The following LIG3 variants were observed in gnomAD, a reference collection of about 807,000 sequenced individuals.
The protein encoded by LIG3 is DNA ligase 3.
Under a neutral mutation model 110.9 loss-of-function variants are expected in LIG3, and 58 were observed. That is an observed-to-expected ratio of 0.52 (90% CI 0.42 to 0.65). The LOEUF is 0.65. LIG3 is among the 30% of genes least tolerant of loss of function. The pLI is 0.00. For synonymous variants in LIG3, 422 were observed against 472.8 expected, an observed-to-expected ratio of 0.89 and a Z score of 1.39; for missense variants, 1,094 against 1,273.8, an observed-to-expected ratio of 0.86 and a Z score of 2.15.
intron 11 of LIG3, 127 bp downstream of exon 11, chr17:34,996,780 C>G (rs911748372): frequency 6.5e-6 from 5 of 773,992 alleles, no homozygotes; most frequent in Middle Eastern, 5.3e-4. Context: ...TACGTTTGTG[C>G]TCAGGAGCTT....
intron 15 of LIG3, 137 bp downstream of exon 15, chr17:34,999,586 G>C: frequency 8.1e-7 from 1 of 1,240,850 alleles, no homozygotes; most frequent in East Asian, 2.5e-5. Flanking sequence ...GCAGGATTAG[G>C]CCTTATAATC....
At chr17:35,000,704 C>T (rs1355803899) in intron 16 of LIG3, among the ~76,000 whole-genome samples, 2 of 150,872 alleles carry the variant, frequency 1.3e-5, no homozygotes, top group Non-Finnish European at 1.5e-5. Flanking sequence ...CAGCCTCCGC[C>T]TCCTGGGTTC....
In LIG3 at chr17:35,006,446, C is replaced by G. The variant is rs531290819; in HGVS notation, c.*1940C>G. 3.3e-5 allele frequency: 5 copies of G among 152,460 alleles called. No individual in the cohort carries two copies. The highest frequency in any genetic ancestry group is 1.2e-4 in the African/African-American group (5 of 41,564). The allele number at this position is 152,460 out of a possible 1,614,324, so 9.4% of individuals were successfully genotyped here. On this transcript the variant is annotated 3_prime_UTR_variant, in exon 20 of 20. Coordinates refer to ENST00000378526, the MANE Select transcript of LIG3 (RefSeq NM_013975.4). Reference sequence around the variant, plus strand: ...CGTTAACATCTAAGCCTCAATCCCTCCAAGTAGAATGGGTGCACCTAAATC... The same window carrying G: ...CGTTAACATCTAAGCCTCAATCCCTGCAAGTAGAATGGGTGCACCTAAATC...
chr17:34,997,862 G>T (rs1283583132), intron 12 of LIG3, 37 bp downstream of exon 12: 1 of 1,533,308 alleles, frequency 6.5e-7, no homozygotes, highest in Non-Finnish European at 9.0e-7. Context: ...TGTCCTAGAA[G>T]TTTGAAAGCA....
chr17:34,996,048 C>G lies in LIG3; in HGVS notation c.1612-16C>G. ...TGCCATGTCATCCCTCACCAAAGCTCCCCTTCTGCTTTCAGGTGGCCCACT... is the reference window on the plus strand; with the variant it reads ...TGCCATGTCATCCCTCACCAAAGCTGCCCTTCTGCTTTCAGGTGGCCCACT... On this transcript the variant is annotated splice_polypyrimidine_tract_variant and intron_variant, in intron 9 of 19. Transcript: ENST00000378526. 6.2e-7 allele frequency: 1 copy of G among 1,609,732 alleles called. No individual in the cohort carries two copies. The highest frequency in any genetic ancestry group is 1.1e-5 in the South Asian group (1 of 90,518).
At chr17:35,003,378 A>G (rs1009787158) in intron 19 of LIG3, 3 of 278,916 alleles carry the variant, frequency 1.1e-5, no homozygotes, top group Admixed American at 4.5e-5. Flanking sequence ...AGCGCACTGC[A>G]ACCTCCGCTC....
rs543051562 is a variant in LIG3, at chr17:35,002,595, T to C, written c.2675-73T>C. On this transcript the variant is annotated intron_variant, in intron 18 of 19. Coordinates refer to ENST00000378526, the MANE Select transcript of LIG3 (RefSeq NM_013975.4). ...CTCACTGCAGCCTCGAACTCCTGAGTTGAATTGATCCTCCCGAGTAGCTGG... is the reference window on the plus strand; with the variant it reads ...CTCACTGCAGCCTCGAACTCCTGAGCTGAATTGATCCTCCCGAGTAGCTGG... The C allele has an allele frequency of 2.6e-6, 4 of 1,521,176 alleles. No homozygotes were observed. In the African/African-American group the frequency reaches 5.5e-5, roughly 21 times the overall value. The allele number at this position is 1,521,176 out of a possible 1,614,324, so 94.2% of individuals were successfully genotyped here. A position where few individuals can be genotyped will look rare whatever the true frequency, so the allele number is the denominator to read the frequency against.
At chr17:35,003,078 A>G in intron 19 of LIG3, 1 of 1,613,960 alleles carries the variant, frequency 6.2e-7, no homozygotes, top group Non-Finnish European at 8.5e-7. Context: ...GAGAGACTGC[A>G]GGGACTCACT....
Position 34,983,208 on chromosome 17 carries a change from C to T in LIG3, c.203C>T (p.Ala68Val), listed in dbSNP as rs762924297. 2.0e-5 allele frequency: 33 copies of T among 1,614,188 alleles called. No individual in the cohort carries two copies. The highest frequency in any genetic ancestry group is 4.4e-5 in the South Asian group (4 of 91,088). ...SFQGSHLRSR[A>V]TYLVFLPGLH... is the part of the protein sequence containing the mutation. Reference sequence around the variant, plus strand: ...CAGGGAAGCCATCTAAGATCACGTGCCACCTACCTTGTTTTCTTGCCAGGG... The same window carrying T: ...CAGGGAAGCCATCTAAGATCACGTGTCACCTACCTTGTTTTCTTGCCAGGG... The change falls in exon 2 of 20, where the codon GCC becomes GTC. Residue 68 changes from alanine (A) to valine (V), a missense_variant. By Grantham distance (64) the Ala-to-Val change is moderately conservative (BLOSUM62 0). Transcript: ENST00000378526.
intron 19 of LIG3, chr17:35,004,069 C>T (rs2090873145): frequency 1.7e-6 from 1 of 572,948 alleles, no homozygotes. Context: ...TCCTTTTCCC[C>T]TAGGCAGGGA....
In LIG3 at chr17:34,998,223, CT is replaced by C. The variant is rs773867464; in HGVS notation, c.1919del (p.Leu640TrpfsTer6). ...AGCATCTCTCTTGTCCCTCAGAAAG[CT>C]TTGGACTTGGCTGACATGATAACCC... The part of the protein sequence containing the change: ...MFSEMKRVTK[A>X]LDLADMITRV... On this transcript the variant is annotated frameshift_variant, in exon 13 of 20. Coordinates refer to ENST00000378526, the MANE Select transcript of LIG3 (RefSeq NM_013975.4). LOFTEE classifies it high-confidence loss of function. 1 of 1,612,556 alleles carries C rather than the reference CT, an allele frequency of 6.2e-7. No homozygotes were observed. Among genetic ancestry groups the C allele is most frequent in the Non-Finnish European group, 8.5e-7 (1 of 1,179,204 alleles).
At position 34,992,482 on chromosome 17, in the gene LIG3, A is replaced by G. The variant is rs532381659; in HGVS notation, c.1287-42A>G. ...CTGTCCAAAGCCATGGAGTCAAACA[A>G]AGGCAGTGGTTTTGTTTCCTTGTTC... On this transcript the variant is annotated intron_variant, in intron 7 of 19. Coordinates refer to ENST00000378526, the MANE Select transcript of LIG3 (RefSeq NM_013975.4). 39 of 1,529,744 alleles carry G rather than the reference A, an allele frequency of 2.5e-5. 2 individuals carry two copies. The South Asian group carries it at 4.7e-4, about 18-fold the overall frequency. 94.8% of individuals were successfully genotyped at this position (1,529,744 alleles called of 1,614,324 possible).
chr17:35,003,325 G>A, intron 19 of LIG3: 1 of 504,964 alleles, frequency 2.0e-6, no homozygotes, highest in East Asian at 4.3e-5. Flanking sequence ...TTTGAGATAA[G>A]TCTCGCTCTG....
intron 16 of LIG3, 81 bp downstream of exon 16, chr17:34,999,937 C>A: frequency 8.5e-7 from 1 of 1,179,456 alleles, no homozygotes; most frequent in Non-Finnish European, 1.2e-6. Flanking sequence ...ATCCATCTCA[C>A]CTCGCTGAAA....
In LIG3 at chr17:34,983,076, TC is replaced by T. The variant is rs778145561; in HGVS notation, c.73del (p.Arg25GlufsTer8). On this transcript the variant is annotated frameshift_variant, in exon 2 of 20. Coordinates refer to ENST00000378526, the MANE Select transcript of LIG3 (RefSeq NM_013975.4). LOFTEE classifies it high-confidence loss of function. Reference protein sequence around the residue: ...RALSRKELCLFRKHHWRDVRQ... With the variant: ...RALSRKELCLXRKHHWRDVRQ... ...CTCAGCCGAAAAGAACTGTGCCTATTCCGAAAACATCACTGGCGTGATGTAA... is the reference window on the plus strand; with the variant it reads ...CTCAGCCGAAAAGAACTGTGCCTATTCGAAAACATCACTGGCGTGATGTAA... 1.9e-6 allele frequency: 3 copies of T among 1,613,940 alleles called. No individual in the cohort carries two copies. Among genetic ancestry groups the T allele is most frequent in the Non-Finnish European group, 2.5e-6 (3 of 1,179,934 alleles).
rs1478465825 is a variant in LIG3, at chr17:34,982,989, C to G, written c.-4-13C>G. ...TTTTTTTTTTTTTTTTGGCCTCCTACTCTTTCGTACAGCTATATGTCTTTG... is the reference window on the plus strand; with the variant it reads ...TTTTTTTTTTTTTTTTGGCCTCCTAGTCTTTCGTACAGCTATATGTCTTTG... On this transcript the variant is annotated splice_polypyrimidine_tract_variant and intron_variant, in intron 1 of 19. Transcript: ENST00000378526. 1 of 1,378,452 alleles carries G rather than the reference C, an allele frequency of 7.3e-7. No individual in the cohort carries two copies. Among genetic ancestry groups the G allele is most frequent in the Middle Eastern group, 1.9e-4 (1 of 5,176 alleles). 85.4% of individuals were successfully genotyped at this position (1,378,452 alleles called of 1,614,324 possible).
At chr17:34,989,187 A>C (rs2090690762) in intron 3 of LIG3, among the ~76,000 whole-genome samples, 1 of 152,052 alleles carries the variant, frequency 6.6e-6, no homozygotes, top group African/African-American at 2.4e-5. Context: ...TTCTTCAGTA[A>C]AGTGCTCACA....
rs2090863601 is a variant in LIG3, at chr17:35,003,210, G to A, written c.2796+421G>A. 6 of 1,475,136 alleles carry A rather than the reference G, an allele frequency of 4.1e-6. No individual in the cohort carries two copies. In the African/African-American group the frequency reaches 5.6e-5, roughly 14 times the overall value. 91.4% of individuals were successfully genotyped at this position (1,475,136 alleles called of 1,614,324 possible). ...TCCAGCAAGCAGCGAGTCGGGGAGA[G>A]GGCACTGGCTTGGTGACTCTCCTCC... On this transcript the variant is annotated intron_variant, in intron 19 of 19. Coordinates refer to ENST00000378526, the MANE Select transcript of LIG3 (RefSeq NM_013975.4).
Position 34,999,450 on chromosome 17 carries a change from G to A in LIG3, c.2256+1G>A. On this transcript the variant is annotated splice_donor_variant, in intron 15 of 19. Transcript: ENST00000378526. LOFTEE classifies it high-confidence loss of function. ...ACTAGACATGGTGAAGATCAGCAAG[G>A]TGAGGAAGGGACCTGGTTGGCCATG... is the stretch of plus-strand genomic sequence containing the variant. The A allele has an allele frequency of 6.2e-7, 1 of 1,613,580 alleles. No homozygotes were observed. The highest frequency in any genetic ancestry group is 8.5e-7 in the Non-Finnish European group (1 of 1,179,690).
Sources: gnomAD v4.1 joint callset for allele counts (sites outside exome capture counted in the v4.1 genomes callset) on GRCh38, gnomAD v4.1.1 for gene constraint, MANE v1.5 for transcripts, NCBI Gene and HGNC (gene_info 2026-07-23, HGNC 2026-07-21) for gene names.